ADAMTS16: variants seen among roughly 807,000 people sequenced by gnomAD.
ADAMTS16 encodes the protein ADAM metallopeptidase with thrombospondin type 1 motif 16.
ADAMTS16 carries 94 observed loss-of-function variants against 145.8 expected under a neutral mutation model. The observed-to-expected ratio is 0.64, with a 90% confidence interval of 0.55 to 0.77. The LOEUF (loss-of-function observed/expected upper bound fraction) is 0.77. Among genes scored for constraint, ADAMTS16 ranks in the 30% least tolerant of loss-of-function variants. The pLI, the probability that ADAMTS16 is intolerant of heterozygous loss-of-function variation, is 0.00. For missense variants in ADAMTS16, 1,585 were observed against 1,591.5 expected (o/e 1.00, Z 0.07); for synonymous variants, 659 against 604.3 (o/e 1.09, Z -1.33).
intron 18 of ADAMTS16, among the ~76,000 whole-genome samples, chr5:5,281,711 G>T (rs1738917887): frequency 6.6e-6 from 1 of 152,174 alleles, no homozygotes; most frequent in Admixed American, 6.5e-5. Flanking sequence ...ACTGGGGATT[G>T]TAGAGTGAGA....
intron 16 of ADAMTS16, 68 bp from the exon 17 acceptor site, chr5:5,241,985 T>C: frequency 2.6e-6 from 4 of 1,562,918 alleles, no homozygotes; most frequent in Non-Finnish European, 3.5e-6. Flanking sequence ...GTAGTCTAAA[T>C]CCCGTTAGCA....
rs573708755 is a variant in ADAMTS16, at chr5:5,265,388, G to A, written c.2789+2605G>A. On this transcript the variant is annotated intron_variant, in intron 18 of 22. Transcript: ENST00000274181. ...GGGAGAGCTGGGGAGGTGAAGAACT[G>A]CAAAAAGCGTGAAGAAGGGTTGGTC... is the stretch of plus-strand genomic sequence containing the variant. 2.6e-5 allele frequency among the ~76,000 whole-genome samples: 4 copies of A among 152,270 alleles called. No individual in the cohort carries two copies. In the South Asian group the frequency reaches 8.3e-4, roughly 32 times the overall value.
intron 4 of ADAMTS16, 48 bp downstream of exon 4, chr5:5,182,353 T>G (rs775849925): frequency 6.4e-7 from 1 of 1,569,978 alleles, no homozygotes; most frequent in Non-Finnish European, 8.7e-7. Context: ...CTGACATTTA[T>G]GTAAGCTGAT....
At chr5:5,165,825 G>T (rs1284153285) in intron 3 of ADAMTS16, among the ~76,000 whole-genome samples, 1 of 152,134 alleles carries the variant, frequency 6.6e-6, no homozygotes, top group Admixed American at 6.6e-5. Context: ...ATAGGTCCAG[G>T]TGACAACCCC....
intron 11 of ADAMTS16, among the ~76,000 whole-genome samples, chr5:5,227,144 C>G (rs935846011): frequency 5.9e-5 from 9 of 152,250 alleles, no homozygotes; most frequent in African/African-American, 2.2e-4. Context: ...ACATGGGTGC[C>G]TTCCCCAGGT....
intron 5 of ADAMTS16, among the ~76,000 whole-genome samples, 199 bp from the exon 6 acceptor site, chr5:5,187,526 C>T (rs1392366714): frequency 6.6e-6 from 1 of 152,174 alleles, no homozygotes; most frequent in Non-Finnish European, 1.5e-5. Context: ...GGTGTTTGAC[C>T]GTAAGAGGTG....
chr5:5,188,605 G>A (rs1296464904), intron 6 of ADAMTS16, among the ~76,000 whole-genome samples: 7 of 152,136 alleles, frequency 4.6e-5, no homozygotes, highest in African/African-American at 1.2e-4. Context: ...CCTTGCTGAC[G>A]TTTTCAGAGT....
rs1734225966 is a variant in ADAMTS16, at chr5:5,320,088, T to TA, written c.*950_*951insA. On this transcript the variant is annotated 3_prime_UTR_variant, in exon 23 of 23. Transcript: ENST00000274181. This position sits in a 1 kb window ranked among gnomAD's most constrained non-coding sequence, Gnocchi z 5.1. ...TTTGTGTGTTGTGAGATTTTAATCT[T>TA]TTTTTTTTCGGTGAGTCTGGCCATT... 2.8e-6 allele frequency: 1 copy of TA among 354,680 alleles called. No homozygotes were observed. Among genetic ancestry groups the TA allele is most frequent in the South Asian group, 2.1e-5 (1 of 48,780 alleles). The allele number at this position is 354,680 out of a possible 1,614,324, so 22.0% of individuals were successfully genotyped here.
rs1453205378 is a variant in ADAMTS16, at chr5:5,263,261, T to TCTA, written c.2789+480_2789+482dup. Among the ~76,000 whole-genome samples, 9 of 152,260 alleles carry TCTA rather than the reference T, an allele frequency of 5.9e-5. No homozygotes were observed. In the East Asian group the frequency reaches 1.7e-3, roughly 29 times the overall value. ...GAAAGCCAGGGCTCTTGTCATCCAC[T>TCTA]CTACCCTCACTGCTACTGCCCCTAG... On this transcript the variant is annotated intron_variant, in intron 18 of 22. Transcript: ENST00000274181.
intron 9 of ADAMTS16, among the ~76,000 whole-genome samples, chr5:5,200,540 A>G (rs1486741966): frequency 6.6e-6 from 1 of 152,228 alleles, no homozygotes; most frequent in East Asian, 1.9e-4. Flanking sequence ...ATTTGTCACT[A>G]ACATTTAAGT....
At chr5:5,220,964 T>C (rs943571333) in intron 10 of ADAMTS16, among the ~76,000 whole-genome samples, 4 of 152,102 alleles carry the variant, frequency 2.6e-5, no homozygotes, top group African/African-American at 9.7e-5. Context: ...TAGGTATGCA[T>C]GCTCAGCCTC....
At chr5:5,150,840 G>A (rs1343959530) in intron 3 of ADAMTS16, among the ~76,000 whole-genome samples, 1 of 152,184 alleles carries the variant, frequency 6.6e-6, no homozygotes, top group African/African-American at 2.4e-5. Context: ...ACTGCTTTCT[G>A]ACTTCCATTG....
chr5:5,186,340 A>G, intron 5 of ADAMTS16, 89 bp downstream of exon 5: 1 of 1,126,118 alleles, frequency 8.9e-7, no homozygotes, highest in Non-Finnish European at 1.3e-6. Context: ...GTGTGTTTCC[A>G]TTTTACTTGT....
intron 2 of ADAMTS16, 37 bp from the exon 3 acceptor site, chr5:5,146,093 G>C: frequency 6.4e-7 from 1 of 1,563,612 alleles, no homozygotes; most frequent in Non-Finnish European, 8.8e-7. Flanking sequence ...TCGGAATTCC[G>C]AAATGACTCA....
At chr5:5,241,951 C>A in intron 16 of ADAMTS16, 102 bp from the exon 17 acceptor site, 4 of 1,360,830 alleles carry the variant, frequency 2.9e-6, no homozygotes, top group Non-Finnish European at 3.0e-6. Context: ...TAACAAACTT[C>A]TTGTTGATTG....
chr5:5,283,175 A>G (rs1738985656), intron 18 of ADAMTS16, among the ~76,000 whole-genome samples: 1 of 152,140 alleles, frequency 6.6e-6, no homozygotes, highest in Non-Finnish European at 1.5e-5. Context: ...CAATACTACA[A>G]TGTATTTTTT....
chr5:5,176,870 T>TG (rs1403422719), intron 3 of ADAMTS16, among the ~76,000 whole-genome samples: 1 of 152,186 alleles, frequency 6.6e-6, no homozygotes, highest in African/African-American at 2.4e-5. Flanking sequence ...ACAGTATTTG[T>TG]GGGGCACATA....
chr5:5,218,679 G>C (rs1736504861), intron 10 of ADAMTS16, among the ~76,000 whole-genome samples: 1 of 152,230 alleles, frequency 6.6e-6, no homozygotes, highest in Non-Finnish European at 1.5e-5. Context: ...AAAGATGAGT[G>C]CGAGGTTTTA....
intron 18 of ADAMTS16, among the ~76,000 whole-genome samples, chr5:5,265,726 G>A (rs950398205): frequency 6.6e-6 from 1 of 152,180 alleles, no homozygotes; most frequent in African/African-American, 2.4e-5. Context: ...GTCAACTGCT[G>A]CACCAACTTG....
Sources: allele counts gnomAD v4.1 joint callset (sites outside exome capture counted in the v4.1 genomes callset), GRCh38; gene constraint gnomAD v4.1.1; non-coding constraint Gnocchi (gnomAD v3.1); transcripts MANE v1.5; gene names NCBI Gene and HGNC (gene_info 2026-07-23, HGNC 2026-07-21).